INSR: variants seen among roughly 807,000 people sequenced by gnomAD.
INSR encodes the protein IR.
Under a neutral mutation model 142.6 loss-of-function variants are expected in INSR, and 67 were observed. The ratio of observed to expected loss-of-function variants is 0.47; its 90% CI spans 0.39 to 0.58. The LOEUF is 0.58. INSR is among the 20% of genes least tolerant of loss of function. INSR has a pLI of 0.00. For missense variants in INSR, 1,248 were observed against 1,833.2 expected (o/e 0.68, Z 5.83); for synonymous variants, 756 against 743.1 (o/e 1.02, Z -0.28).
chr19:7,166,476 C>A lies in INSR; in HGVS notation c.1611-72G>T, dbSNP rs1973893122. On this transcript the variant is annotated intron_variant, in intron 7 of 21. Coordinates refer to ENST00000302850, the MANE Select transcript of INSR (RefSeq NM_000208.4). The surrounding 1 kb of genome is among the most constrained non-coding windows in gnomAD (Gnocchi z 4.1). ...ACACTGAGTGCCGTGCAGATGAGGC[C>A]TGGGAAGTTACATCCCATAGGGTCA... The A allele has an allele frequency of 2.6e-6, 4 of 1,555,042 alleles. No homozygotes were observed. In the Admixed American group the frequency reaches 7.1e-5, roughly 28 times the overall value.
At position 7,294,122 on chromosome 19, in the gene INSR, G is replaced by A. The variant is rs548046029; in HGVS notation, c.-231C>T. The stretch of plus-strand genomic sequence containing the variant: ...CTGAGCGGAGGCCCTTGCGGTGGTG[G>A]CCCCGACCCCCCGGCCGCTGCGGCC... On this transcript the variant is annotated 5_prime_UTR_variant, in exon 1 of 22. Transcript: ENST00000302850. The A allele has an allele frequency of 1.3e-4, 31 of 231,176 alleles. No individual in the cohort carries two copies. In the South Asian group the frequency reaches 3.6e-3, roughly 27 times the overall value. 14.3% of individuals were successfully genotyped at this position (231,176 alleles called of 1,614,324 possible). A position where few individuals can be genotyped will look rare whatever the true frequency, so the allele number is the denominator to read the frequency against.
intron 13 of INSR, among the ~76,000 whole-genome samples, chr19:7,137,141 ATTT>A (rs2144846830): frequency 6.6e-6 from 1 of 151,888 alleles, no homozygotes; most frequent in Admixed American, 6.6e-5. Context: ...CTAAAACTTT[ATTT>A]TTATGTGCAC....
intron 2 of INSR, among the ~76,000 whole-genome samples, chr19:7,230,013 A>G (rs2145123682): frequency 6.6e-6 from 1 of 152,008 alleles, no homozygotes; most frequent in East Asian, 1.9e-4. Flanking sequence ...GCCGGCCTCA[A>G]ACTCCTGGCT....
At chr19:7,258,859 C>T (rs1305003509) in intron 2 of INSR, among the ~76,000 whole-genome samples, 1 of 148,910 alleles carries the variant, frequency 6.7e-6, no homozygotes, top group Admixed American at 6.7e-5. Context: ...GAAGAGGCAA[C>T]ACACATGTTG....
chr19:7,121,432 C>T (rs895456214), intron 19 of INSR, among the ~76,000 whole-genome samples: 1 of 152,112 alleles, frequency 6.6e-6, no homozygotes, highest in Non-Finnish European at 1.5e-5. Flanking sequence ...CTCTCCTCAT[C>T]CTCACATCTC....
rs747170425 is a variant in INSR, at chr19:7,152,723, G to A, written c.2231+3C>T. Reference sequence around the variant, plus strand: ...CTAAGAGAGCCCAGCGCCAAGTCCTGACCTGGGGACGAAAACCACGTTGTG... The same window carrying A: ...CTAAGAGAGCCCAGCGCCAAGTCCTAACCTGGGGACGAAAACCACGTTGTG... On this transcript the variant is annotated splice_donor_region_variant and intron_variant, in intron 10 of 21. Coordinates refer to ENST00000302850, the MANE Select transcript of INSR (RefSeq NM_000208.4). 1 of 1,611,786 alleles carries A rather than the reference G, an allele frequency of 6.2e-7. No homozygotes were observed. Among genetic ancestry groups the A allele is most frequent in the Non-Finnish European group, 8.5e-7 (1 of 1,179,370 alleles).
intron 2 of INSR, among the ~76,000 whole-genome samples, chr19:7,217,749 C>T (rs1181029692): frequency 3.3e-5 from 5 of 152,240 alleles, no homozygotes; most frequent in South Asian, 2.1e-4. Flanking sequence ...TTAGTAGAGA[C>T]GGGGTTTCAC....
intron 2 of INSR, among the ~76,000 whole-genome samples, chr19:7,251,667 C>T (rs1202721577): frequency 3.3e-5 from 5 of 151,876 alleles, no homozygotes; most frequent in African/African-American, 1.2e-4. Context: ...AAAGACAGGA[C>T]AGTGACTACT....
chr19:7,225,832 TTG>T lies in INSR; in HGVS notation c.653-41197_653-41196del, dbSNP rs1975763085. Among the ~76,000 whole-genome samples, 1 of 152,098 alleles carries T rather than the reference TTG, an allele frequency of 6.6e-6. No individual in the cohort carries two copies. Among genetic ancestry groups the T allele is most frequent in the Non-Finnish European group, 1.5e-5 (1 of 68,006 alleles). ...GACACCTGGCAGTGTCTGGAGACAT[TTG>T]TGTTTGCCATGCCTCGGGGGCGGCG... On this transcript the variant is annotated intron_variant, in intron 2 of 21. Coordinates refer to ENST00000302850, the MANE Select transcript of INSR (RefSeq NM_000208.4). The surrounding 1 kb of genome is among the most constrained non-coding windows in gnomAD (Gnocchi z 4.7).
intron 2 of INSR, among the ~76,000 whole-genome samples, chr19:7,253,942 T>C (rs2145181530): frequency 6.7e-6 from 1 of 148,726 alleles, no homozygotes; most frequent in East Asian, 2.0e-4. Flanking sequence ...GGTAGGAGAA[T>C]CGCTTGAACC....
At chr19:7,238,749 A>G (rs1318084444) in intron 2 of INSR, among the ~76,000 whole-genome samples, 1 of 151,696 alleles carries the variant, frequency 6.6e-6, no homozygotes, top group Non-Finnish European at 1.5e-5. Context: ...ACTGCCCTCC[A>G]TTCCCTCCAT....
At chr19:7,136,908 C>A (rs1486299638) in intron 13 of INSR, among the ~76,000 whole-genome samples, 1 of 151,298 alleles carries the variant, frequency 6.6e-6, no homozygotes, top group African/African-American at 2.4e-5. Flanking sequence ...CTCGGAATCA[C>A]TGCAACCTCT....
At chr19:7,256,166 G>T (rs985308305) in intron 2 of INSR, among the ~76,000 whole-genome samples, 3 of 152,288 alleles carry the variant, frequency 2.0e-5, no homozygotes, top group African/African-American at 7.2e-5. Context: ...GGCTGGGCAT[G>T]GCGGCTCACG....
At chr19:7,244,910 G>A (rs981738415) in intron 2 of INSR, among the ~76,000 whole-genome samples, 1 of 133,020 alleles carries the variant, frequency 7.5e-6, no homozygotes, top group Non-Finnish European at 1.7e-5. Flanking sequence ...ATCTCAATGG[G>A]TTTTTTTGTT....
intron 20 of INSR, among the ~76,000 whole-genome samples, chr19:7,120,312 G>C (rs1972460282): frequency 6.6e-6 from 1 of 152,204 alleles, no homozygotes; most frequent in Non-Finnish European, 1.5e-5. Flanking sequence ...ACCAAACTGT[G>C]CTCTGACCAC....
At chr19:7,153,345 C>CACACCACACACACAACACACA (rs1568449906) in intron 9 of INSR, among the ~76,000 whole-genome samples, 1 of 3,396 alleles carries the variant, frequency 2.9e-4, no homozygotes, top group African/African-American at 8.0e-4. Context: ...CGCCACACAC[C>CACACCACACACACAACACACA]ACAGACCACA....
intron 2 of INSR, among the ~76,000 whole-genome samples, chr19:7,210,071 G>T (rs73488783): frequency 1.3e-5 from 2 of 151,948 alleles, no homozygotes; most frequent in Admixed American, 6.6e-5. Context: ...AGAGCCAGGC[G>T]CAGTGGCTCA....
rs1235896825 is a variant in INSR, at chr19:7,284,853, T to C, written c.100+8939A>G. 4.6e-5 allele frequency among the ~76,000 whole-genome samples: 7 copies of C among 152,214 alleles called. No homozygotes were observed. In the East Asian group the frequency reaches 1.2e-3, roughly 25 times the overall value. ...CTAGTTTTAATCCTCAGTGTGCAGA[T>C]TGTATGAATCTGACGCATAAGGGCT... On this transcript the variant is annotated intron_variant, in intron 1 of 21. Coordinates refer to ENST00000302850, the MANE Select transcript of INSR (RefSeq NM_000208.4).
chr19:7,226,728 C>CCAAAAA (rs1975798271), intron 2 of INSR, among the ~76,000 whole-genome samples: 2 of 112,888 alleles, frequency 1.8e-5, no homozygotes, highest in Non-Finnish European at 3.4e-5. Context: ...ACCCTGTTTC[C>CCAAAAA]AAAAAAAAAA....
Sources: allele counts gnomAD v4.1 joint callset (sites outside exome capture counted in the v4.1 genomes callset), GRCh38; gene constraint gnomAD v4.1.1; non-coding constraint Gnocchi (gnomAD v3.1); transcripts MANE v1.5; gene names NCBI Gene and HGNC (gene_info 2026-07-23, HGNC 2026-07-21).